CFAP47: variants seen among roughly 807,000 people sequenced by gnomAD.
The protein encoded by CFAP47 is cilia and flagella associated protein 47.
In CFAP47, 29 loss-of-function variants were observed where a neutral mutation model predicts 148.1. The ratio of observed to expected loss-of-function variants is 0.20; its 90% CI spans 0.15 to 0.27. The LOEUF (loss-of-function observed/expected upper bound fraction) is 0.27. CFAP47 is among the 10% of genes least tolerant of loss of function. CFAP47 has a pLI of 1.00. For missense variants in CFAP47, 1,872 were observed against 1,697.5 expected (o/e 1.10, Z -1.81); for synonymous variants, 664 against 577.3 (o/e 1.15, Z -2.15).
intron 33 of CFAP47, among the ~76,000 whole-genome samples, chrX:36,110,815 G>A (rs1409705968): frequency 9.0e-6 from 1 of 111,527 alleles, no homozygotes; most frequent in Non-Finnish European, 1.9e-5. Context: ...TCCTTGTAGA[G>A]ATCTTTCACC....
intron 57 of CFAP47, among the ~76,000 whole-genome samples, chrX:36,322,822 T>C (rs1219339237): frequency 9.0e-6 from 1 of 111,268 alleles, no homozygotes; most frequent in Admixed American, 9.6e-5. Flanking sequence ...TGCTGCTCTA[T>C]ATAATAAGAT....
intron 60 of CFAP47, among the ~76,000 whole-genome samples, chrX:36,358,580 T>A (rs1485445543): frequency 9.0e-6 from 1 of 111,543 alleles, no homozygotes; most frequent in African/African-American, 3.3e-5. Flanking sequence ...TTGAATAGAG[T>A]CTGAAATTGG....
intron 26 of CFAP47, among the ~76,000 whole-genome samples, chrX:36,063,832 A>G (rs754342419): frequency 3.0e-4 from 34 of 111,916 alleles, no homozygotes; most frequent in Admixed American, 9.5e-4. Context: ...AATAAATGTG[A>G]CATTTAAATC....
chrX:36,056,791 C>G (rs1937557936), intron 26 of CFAP47, among the ~76,000 whole-genome samples: 1 of 111,785 alleles, frequency 8.9e-6, no homozygotes, highest in African/African-American at 3.3e-5. Flanking sequence ...AGGTGACACC[C>G]TATCAGGCAA....
chrX:36,144,696 G>A (rs1569272292), intron 35 of CFAP47: 1 of 1,026,696 alleles, frequency 9.7e-7, no homozygotes, highest in South Asian at 1.8e-5. Context: ...GAAGAAGGGG[G>A]ATATTCAGTT....
chrX:36,076,038 T>TA (rs1937846966), intron 29 of CFAP47, among the ~76,000 whole-genome samples: 1 of 111,709 alleles, frequency 9.0e-6, no homozygotes, highest in Non-Finnish European at 1.9e-5. Flanking sequence ...CTTTTGGATA[T>TA]ATACCCCACA....
In CFAP47 at chrX:36,222,944, C is replaced by T. The variant is rs782232736; in HGVS notation, c.6818-5684C>T. Among the ~76,000 whole-genome samples, 8 of 111,044 alleles carry T rather than the reference C, an allele frequency of 7.2e-5. No individual in the cohort carries two copies. In the South Asian group the frequency reaches 2.7e-3, roughly 37 times the overall value. On this transcript the variant is annotated intron_variant, in intron 45 of 63. Transcript: ENST00000378653. ...GGGAACTAGTAGGAGGTGATTAGAT[C>T]TTAGGGGTGGTTTCACATGAATGGT...
chrX:36,369,827 G>C (rs1941912974), intron 62 of CFAP47, among the ~76,000 whole-genome samples: 1 of 111,605 alleles, frequency 9.0e-6, no homozygotes, highest in Non-Finnish European at 1.9e-5. Context: ...ACATTTTATT[G>C]GTTACAAAGG....
chrX:36,018,439 T>C (rs1044635202), intron 22 of CFAP47, among the ~76,000 whole-genome samples: 1 of 112,215 alleles, frequency 8.9e-6, no homozygotes, highest in African/African-American at 3.2e-5. Flanking sequence ...ATGTTTCATA[T>C]CTTAGAGGAA....
At chrX:35,985,317 G>A (rs892716639) in intron 15 of CFAP47, among the ~76,000 whole-genome samples, 32 of 110,801 alleles carry the variant, frequency 2.9e-4, no homozygotes, top group African/African-American at 9.9e-4. Flanking sequence ...GCACCTCATC[G>A]GGGCCAGGGT....
chrX:36,378,379 T>A (rs1942043354), intron 62 of CFAP47, among the ~76,000 whole-genome samples: 1 of 111,861 alleles, frequency 8.9e-6, no homozygotes, highest in South Asian at 3.7e-4. Flanking sequence ...AAAGGGAAGA[T>A]GAGTAAATAT....
chrX:35,926,180 T>G lies in CFAP47; in HGVS notation c.401+12T>G. 8.7e-7 allele frequency: 1 copy of G among 1,153,054 alleles called. No homozygotes were observed. The highest frequency in any genetic ancestry group is 1.2e-6 in the Non-Finnish European group (1 of 849,979). On this transcript the variant is annotated intron_variant, in intron 2 of 63. Transcript: ENST00000378653. ...ATTCCTCTAATTGGGTATGTAATCTTCATAGTTCATGCTGACATTTTGAAT... is the reference window on the plus strand; with the variant it reads ...ATTCCTCTAATTGGGTATGTAATCTGCATAGTTCATGCTGACATTTTGAAT...
chrX:36,010,694 G>A (rs1937030139), intron 21 of CFAP47, among the ~76,000 whole-genome samples: 1 of 111,139 alleles, frequency 9.0e-6, no homozygotes, highest in African/African-American at 3.3e-5. Context: ...TCCTGACCTC[G>A]TGATCCAACC....
At chrX:36,379,271 A>G (rs1261439502) in intron 62 of CFAP47, 79 bp from the exon 63 acceptor site, 1 of 910,320 alleles carries the variant, frequency 1.1e-6, no homozygotes, top group African/African-American at 2.0e-5. Flanking sequence ...CAGGATTCAA[A>G]TTCTACTCAT....
intron 33 of CFAP47, among the ~76,000 whole-genome samples, chrX:36,119,931 TTC>T (rs776330790): frequency 4.1e-4 from 46 of 110,860 alleles, no homozygotes; most frequent in Non-Finnish European, 6.6e-4. Context: ...TCTTTCTTTC[TTC>T]TCTCTTTTTT....
At position 36,055,461 on chromosome X, in the gene CFAP47, G is replaced by A. The variant is rs775106581; in HGVS notation, c.4217+8398G>A. ...CCTGCATTAGTTTGCTGAGCATAAC[G>A]GCTTCCAGCTCCATCCATGTCCCTG... On this transcript the variant is annotated intron_variant, in intron 26 of 63. Transcript: ENST00000378653. Among the ~76,000 whole-genome samples, 4 of 111,435 alleles carry A rather than the reference G, an allele frequency of 3.6e-5. No individual in the cohort carries two copies. The South Asian group carries it at 1.1e-3, about 32-fold the overall frequency.
chrX:36,376,161 A>G (rs1344997260), intron 62 of CFAP47, among the ~76,000 whole-genome samples: 1 of 112,280 alleles, frequency 8.9e-6, no homozygotes, highest in African/African-American at 3.2e-5. Context: ...TTCACCAATC[A>G]TCCTGGCTAG....
rs1937763432 is a variant in CFAP47 at position 36,071,975 on chromosome X, T to C, written c.4465+4T>C. The stretch of plus-strand genomic sequence containing the variant: ...GCAAAGGGAAACTTATTTATTGGTA[T>C]GTAGCAAATATATAGTGTACTTTCC... On this transcript the variant is annotated splice_donor_region_variant and intron_variant, in intron 28 of 63. Coordinates refer to ENST00000378653, the MANE Select transcript of CFAP47 (RefSeq NM_001304548.2). 1 of 1,192,907 alleles carries C rather than the reference T, an allele frequency of 8.4e-7. No homozygotes were observed. The highest frequency in any genetic ancestry group is 1.7e-5 in the African/African-American group (1 of 57,381).
chrX:36,290,086 G>A (rs1053544527), intron 51 of CFAP47, among the ~76,000 whole-genome samples: 19 of 92,052 alleles, frequency 2.1e-4, no homozygotes, highest in African/African-American at 5.5e-4. Context: ...CCTCGCCCCC[G>A]CACCTTAGTT....
Sources: allele counts gnomAD v4.1 joint callset (sites outside exome capture counted in the v4.1 genomes callset), GRCh38; gene constraint gnomAD v4.1.1; transcripts MANE v1.5; gene names NCBI Gene and HGNC (gene_info 2026-07-23, HGNC 2026-07-21).